RPS6KC1: variants seen among roughly 807,000 people sequenced by gnomAD.
The protein encoded by RPS6KC1 is inactive ribosomal protein S6 kinase delta-1.
In RPS6KC1, 54 loss-of-function variants were observed where a neutral mutation model predicts 103.8. That is an observed-to-expected ratio of 0.52 (90% confidence interval 0.42 to 0.65). RPS6KC1 has a LOEUF of 0.65. Among genes scored for constraint, RPS6KC1 ranks in the 30% least tolerant of loss-of-function variants. The pLI, the probability that RPS6KC1 is intolerant of heterozygous loss-of-function variation, is 0.00. For synonymous variants in RPS6KC1, 439 were observed against 438.7 expected (o/e 1.00, Z -0.01); for missense variants, 1,151 against 1,253.8 (o/e 0.92, Z 1.24).
chr1:213,053,650 A>G (rs2077114225), intron 1 of RPS6KC1, among the ~76,000 whole-genome samples: 1 of 152,200 alleles, frequency 6.6e-6, no homozygotes, highest in Non-Finnish European at 1.5e-5. Flanking sequence ...GGGAATATGT[A>G]CCAATCAAGA....
intron 8 of RPS6KC1, among the ~76,000 whole-genome samples, chr1:213,189,448 CAAAA>C (rs35941412): frequency 0.045 from 4,671 of 103,580 alleles, 105 homozygotes; most frequent in Admixed American, 0.071. Context: ...GCCTTTGTCT[CAAAA>C]AAAAAAAAAA....
the RPS6KC1 span, chr1:213,492,226 C>G: frequency 4.8e-4 from 73 of 152,388 alleles, no homozygotes; most frequent in African/African-American, 1.7e-3. Context: ...GGACCCCACT[C>G]GGGTGGCCAC....
At chr1:213,720,943 T>C in the RPS6KC1 span, among the ~76,000 whole-genome samples, 1 of 152,222 alleles carries the variant, frequency 6.6e-6, no homozygotes. Context: ...AAAGTATATA[T>C]GTAAAGAGTT....
At chr1:213,630,788 T>C in the RPS6KC1 span, among the ~76,000 whole-genome samples, 1 of 152,232 alleles carries the variant, frequency 6.6e-6, no homozygotes, top group African/African-American at 2.4e-5. Context: ...TAGTTTTCCT[T>C]CTAACAGTAA....
the RPS6KC1 span, among the ~76,000 whole-genome samples, chr1:213,599,162 T>A: frequency 3.3e-5 from 5 of 152,320 alleles, no homozygotes; most frequent in South Asian, 4.1e-4. Context: ...TGTTGTGTGT[T>A]CTTGTTTTTG....
At chr1:213,142,653 A>G (rs1044972795) in intron 6 of RPS6KC1, among the ~76,000 whole-genome samples, 4 of 152,068 alleles carry the variant, frequency 2.6e-5, no homozygotes, top group African/African-American at 9.7e-5. Flanking sequence ...TTGGGCTGCC[A>G]TCCGGTAGAT....
At chr1:213,399,267 C>T in the RPS6KC1 span, among the ~76,000 whole-genome samples, 2 of 152,130 alleles carry the variant, frequency 1.3e-5, no homozygotes, top group African/African-American at 4.8e-5. Flanking sequence ...AATTACAATA[C>T]GTGTAATAAA....
At chr1:213,474,822 A>G in the RPS6KC1 span, among the ~76,000 whole-genome samples, 7 of 151,806 alleles carry the variant, frequency 4.6e-5, no homozygotes, top group African/African-American at 1.7e-4. Flanking sequence ...ATTCAAATTA[A>G]AAAAAAAGGT....
the RPS6KC1 span, among the ~76,000 whole-genome samples, chr1:213,390,872 A>G: frequency 6.6e-6 from 1 of 152,204 alleles, no homozygotes; most frequent in African/African-American, 2.4e-5. Context: ...TGTTCTGGGG[A>G]GGCAAAGGGT....
chr1:213,147,283 G>C (rs946155444), intron 6 of RPS6KC1, among the ~76,000 whole-genome samples: 3 of 152,096 alleles, frequency 2.0e-5, no homozygotes, highest in Non-Finnish European at 4.4e-5. Flanking sequence ...CCAATATCCT[G>C]GAGATTTTCC....
At chr1:213,348,442 T>A in the RPS6KC1 span, among the ~76,000 whole-genome samples, 1 of 152,202 alleles carries the variant, frequency 6.6e-6, no homozygotes, top group Non-Finnish European at 1.5e-5. Context: ...TCAAGGGTGC[T>A]CTGCAAAACT....
At chr1:213,226,923 C>T (rs773299579) in intron 8 of RPS6KC1, among the ~76,000 whole-genome samples, 9 of 152,160 alleles carry the variant, frequency 5.9e-5, no homozygotes, top group East Asian at 1.9e-4. Context: ...TAAATAGTAT[C>T]GCTTAGCAAT....
At chr1:213,436,466 T>A in the RPS6KC1 span, among the ~76,000 whole-genome samples, 6,736 of 152,314 alleles carry the variant, frequency 0.044, 165 homozygotes, top group African/African-American at 0.06. Context: ...TTTTTCAACA[T>A]GGATGTCCAG....
At chr1:213,725,813 GT>G in the RPS6KC1 span, among the ~76,000 whole-genome samples, 1 of 152,104 alleles carries the variant, frequency 6.6e-6, no homozygotes, top group Non-Finnish European at 1.5e-5. Context: ...TTCTTTTACT[GT>G]TTTGTTCTTT....
the RPS6KC1 span, among the ~76,000 whole-genome samples, chr1:213,316,842 G>T: frequency 6.6e-6 from 1 of 152,024 alleles, no homozygotes; most frequent in East Asian, 1.9e-4. Context: ...TAGATTTCAG[G>T]CACAGGGAGC....
At chr1:213,695,235 G>A in the RPS6KC1 span, among the ~76,000 whole-genome samples, 9 of 152,222 alleles carry the variant, frequency 5.9e-5, no homozygotes, top group African/African-American at 1.9e-4. Context: ...AAGGTCAGTG[G>A]TGTGGGCACA....
At chr1:213,826,752 T>C in the RPS6KC1 span, among the ~76,000 whole-genome samples, 1 of 152,106 alleles carries the variant, frequency 6.6e-6, no homozygotes, top group Non-Finnish European at 1.5e-5. Flanking sequence ...ACTCTTTTAA[T>C]CCTCAGAACA....
At chr1:213,555,071 G>T in the RPS6KC1 span, among the ~76,000 whole-genome samples, 2 of 152,290 alleles carry the variant, frequency 1.3e-5, no homozygotes, top group Admixed American at 1.3e-4. Flanking sequence ...TTTTATTCAT[G>T]ATGGCCATTC....
chr1:213,769,043 T>C, the RPS6KC1 span, among the ~76,000 whole-genome samples: 1 of 152,066 alleles, frequency 6.6e-6, no homozygotes, highest in Non-Finnish European at 1.5e-5. Context: ...TTCTACAATA[T>C]ATAGACAGAG....
Sources: allele counts gnomAD v4.1 joint callset (sites outside exome capture counted in the v4.1 genomes callset), GRCh38; gene constraint gnomAD v4.1.1; transcripts MANE v1.5; gene names NCBI Gene and HGNC (gene_info 2026-07-23, HGNC 2026-07-21).